Variants in CREB5 observed in about 807,000 individuals in gnomAD.
CREB5 encodes the protein cAMP responsive element binding protein 5.
In CREB5, 19 loss-of-function variants were observed where a neutral mutation model predicts 57.1. That is an observed-to-expected ratio of 0.33 (90% CI 0.23 to 0.49). The LOEUF (loss-of-function observed/expected upper bound fraction) is 0.49. CREB5 is among the 20% of genes least tolerant of loss of function. The probability of loss-of-function intolerance (pLI) is 0.99; values close to 1 mark genes in which losing one functional copy is unlikely to be tolerated. For missense variants in CREB5, 579 were observed against 671.6 expected (o/e 0.86, Z 1.52); for synonymous variants, 238 against 238.3 (o/e 1.00, Z 0.01).
chr7:28,528,733 G>A (rs1203899939), intron 4 of CREB5, among the ~76,000 whole-genome samples: 2 of 145,450 alleles, frequency 1.4e-5, no homozygotes, highest in African/African-American at 2.5e-5. Context: ...AAAAAAGAGC[G>A]TGATTATAAT....
intron 1 of CREB5, among the ~76,000 whole-genome samples, chr7:28,455,446 G>T (rs1790051442): frequency 6.6e-6 from 1 of 152,184 alleles, no homozygotes; most frequent in Non-Finnish European, 1.5e-5. Flanking sequence ...GGCAGAAAGG[G>T]CACTGCTGAC....
intron 1 of CREB5, among the ~76,000 whole-genome samples, chr7:28,366,463 G>C (rs982655396): frequency 1.5e-4 from 23 of 152,152 alleles, no homozygotes; most frequent in African/African-American, 5.1e-4. Context: ...TTGTGAGACA[G>C]AGTTCAGCAT....
intron 4 of CREB5, among the ~76,000 whole-genome samples, chr7:28,557,534 T>C (rs1794926392): frequency 6.6e-6 from 1 of 152,166 alleles, no homozygotes. Context: ...ATCTGGTGCT[T>C]TTGGACCAGA....
chr7:28,644,868 TCTTC>T (rs1798830904), intron 5 of CREB5, among the ~76,000 whole-genome samples: 1 of 152,206 alleles, frequency 6.6e-6, no homozygotes, highest in Non-Finnish European at 1.5e-5. Context: ...TCTAGATTGC[TCTTC>T]CTTGAGAATG....
chr7:28,420,739 CAG>C (rs1198338379), intron 1 of CREB5, among the ~76,000 whole-genome samples: 1 of 140,688 alleles, frequency 7.1e-6, no homozygotes, highest in African/African-American at 2.7e-5. Flanking sequence ...AGGCAGGAGG[CAG>C]AGTTTGCAGT....
chr7:28,437,177 A>T (rs1788997079), intron 1 of CREB5, among the ~76,000 whole-genome samples: 1 of 152,172 alleles, frequency 6.6e-6, no homozygotes. Context: ...GTGCATGTTG[A>T]GAAAATAGAT....
At position 28,677,769 on chromosome 7, in the gene CREB5, G is replaced by A. The variant is rs561230080; in HGVS notation, c.465-40984G>A. On this transcript the variant is annotated intron_variant, in intron 5 of 10. Transcript: ENST00000357727. ...ATACCTGTACTGTAGTTCCAGCTAC[G>A]TGGGAGGCTGACGTGGGAATATAAC... is the stretch of plus-strand genomic sequence containing the variant. 2.5e-4 allele frequency among the ~76,000 whole-genome samples: 38 copies of A among 152,252 alleles called. 2 individuals carry two copies. In the South Asian group the frequency reaches 6.4e-3, roughly 26 times the overall value.
At chr7:28,322,143 G>A (rs745892580) in intron 1 of CREB5, among the ~76,000 whole-genome samples, 1 of 152,152 alleles carries the variant, frequency 6.6e-6, no homozygotes. Flanking sequence ...CTACCCAAAA[G>A]CATTAGATGG....
intron 10 of CREB5, among the ~76,000 whole-genome samples, chr7:28,818,402 C>T (rs903716960): frequency 6.6e-6 from 1 of 152,206 alleles, no homozygotes; most frequent in Non-Finnish European, 1.5e-5. Flanking sequence ...TCTGGCCACT[C>T]CTTCCCTAGC....
intron 1 of CREB5, among the ~76,000 whole-genome samples, chr7:28,414,563 A>C (rs910383063): frequency 1.2e-4 from 19 of 152,194 alleles, no homozygotes; most frequent in African/African-American, 3.9e-4. Context: ...AAGACACAGA[A>C]GACCCTTTTT....
intron 4 of CREB5, among the ~76,000 whole-genome samples, chr7:28,555,715 A>G (rs1794838838): frequency 6.6e-6 from 1 of 152,238 alleles, no homozygotes; most frequent in Non-Finnish European, 1.5e-5. Flanking sequence ...GCATAAGAAC[A>G]TAAGCATCAT....
rs574746416 is a variant in CREB5, at chr7:28,714,074, G to A, written c.465-4679G>A. ...GCTCACTGCCACCTCCACCTCCTGC[G>A]CTCAAGTGATCCTCTCACCTCAGCC... On this transcript the variant is annotated intron_variant, in intron 5 of 10. Coordinates refer to ENST00000357727, the MANE Select transcript of CREB5 (RefSeq NM_182898.4). Among the ~76,000 whole-genome samples the A allele has an allele frequency of 6.6e-4, 101 of 151,918 alleles. 1 individual carries two copies. In the Middle Eastern group the frequency reaches 0.01, roughly 15 times the overall value.
At chr7:28,417,998 C>T (rs977279396) in intron 1 of CREB5, among the ~76,000 whole-genome samples, 2 of 152,150 alleles carry the variant, frequency 1.3e-5, no homozygotes, top group African/African-American at 2.4e-5. Flanking sequence ...CCCTCTGTTT[C>T]GGAAAAGGTC....
intron 1 of CREB5, among the ~76,000 whole-genome samples, chr7:28,331,860 A>G (rs1785723587): frequency 1.3e-5 from 2 of 152,088 alleles, no homozygotes; most frequent in African/African-American, 4.8e-5. Context: ...AAAAAAAAAA[A>G]AAAAAAAGCT....
At chr7:28,676,357 G>A (rs751795706) in intron 5 of CREB5, among the ~76,000 whole-genome samples, 8 of 152,206 alleles carry the variant, frequency 5.3e-5, no homozygotes, top group South Asian at 2.1e-4. Flanking sequence ...CTTCTGTGGC[G>A]CTATGACAGT....
chr7:28,737,598 C>A (rs1804105930), intron 7 of CREB5, among the ~76,000 whole-genome samples: 1 of 121,268 alleles, frequency 8.2e-6, no homozygotes. Flanking sequence ...TTTTTAACTC[C>A]TGTTTCAAAG....
chr7:28,793,009 A>G (rs964524817), intron 7 of CREB5, among the ~76,000 whole-genome samples: 2 of 152,284 alleles, frequency 1.3e-5, no homozygotes, highest in Middle Eastern at 3.4e-3. Context: ...TGGTCCGATG[A>G]CTTTGGACCA....
chr7:28,793,340 C>G (rs895459061), intron 7 of CREB5, among the ~76,000 whole-genome samples: 2 of 152,222 alleles, frequency 1.3e-5, no homozygotes, highest in Non-Finnish European at 2.9e-5. Flanking sequence ...AACTTCCATA[C>G]AGTCAACTTA....
intron 4 of CREB5, among the ~76,000 whole-genome samples, chr7:28,556,677 C>T (rs1195992116): frequency 2.6e-5 from 4 of 152,134 alleles, no homozygotes; most frequent in African/African-American, 7.2e-5. Flanking sequence ...ATTTTCTGAT[C>T]ACCTATCCAA....
Sources: gnomAD v4.1 joint callset for allele counts (sites outside exome capture counted in the v4.1 genomes callset) on GRCh38, gnomAD v4.1.1 for gene constraint, MANE v1.5 for transcripts, NCBI Gene and HGNC (gene_info 2026-07-23, HGNC 2026-07-21) for gene names.